SMARCC1: variants seen among roughly 807,000 people sequenced by gnomAD.
The protein encoded by SMARCC1 is SWI/SNF complex subunit SMARCC1.
In SMARCC1, 43 loss-of-function variants were observed where a neutral mutation model predicts 147.4. The observed-to-expected ratio is 0.29, with a 90% confidence interval of 0.23 to 0.38. The LOEUF is 0.38. SMARCC1 is among the 10% of genes least tolerant of loss of function. The probability of loss-of-function intolerance (pLI) is 1.00; values close to 1 mark genes in which losing one functional copy is unlikely to be tolerated. For missense variants in SMARCC1, 1,119 were observed against 1,381.1 expected (o/e 0.81, Z 3.01); for synonymous variants, 495 against 484.4 (o/e 1.02, Z -0.29).
At chr3:47,622,389 A>G (rs773306917) in intron 24 of SMARCC1, 48 bp from the exon 25 acceptor site, 2 of 1,560,178 alleles carry the variant, frequency 1.3e-6, no homozygotes, top group East Asian at 4.5e-5. Context: ...ATTTGCTTAA[A>G]GAACATTAAG....
At chr3:47,648,339 T>C (rs1349591352) in intron 21 of SMARCC1, among the ~76,000 whole-genome samples, 1 of 152,142 alleles carries the variant, frequency 6.6e-6, no homozygotes, top group African/African-American at 2.4e-5. Flanking sequence ...CTACTTTTTT[T>C]TGTGAAGCAT....
chr3:47,641,312 C>T (rs895310343), intron 21 of SMARCC1, among the ~76,000 whole-genome samples: 31 of 152,108 alleles, frequency 2.0e-4, no homozygotes, highest in African/African-American at 5.8e-4. Context: ...CACTGTGAAA[C>T]CCCGTGTCCA....
intron 7 of SMARCC1, among the ~76,000 whole-genome samples, chr3:47,718,045 T>C (rs900227046): frequency 3.4e-5 from 5 of 147,362 alleles, no homozygotes; most frequent in Non-Finnish European, 7.4e-5. Context: ...GTGCCCGTAG[T>C]GCCAGCCCCC....
intron 21 of SMARCC1, among the ~76,000 whole-genome samples, 153 bp downstream of exon 21, chr3:47,661,141 C>T (rs1479913023): frequency 6.6e-6 from 1 of 151,926 alleles, no homozygotes; most frequent in African/African-American, 2.4e-5. Context: ...AAGAAACAGA[C>T]AAGAGAAAAA....
intron 21 of SMARCC1, among the ~76,000 whole-genome samples, chr3:47,639,457 T>TA (rs1338201511): frequency 6.6e-6 from 1 of 152,214 alleles, no homozygotes; most frequent in Non-Finnish European, 1.5e-5. Context: ...CTCATGCCTG[T>TA]AATCCCAGCA....
chr3:47,681,024 T>A (rs1433180710), intron 14 of SMARCC1, among the ~76,000 whole-genome samples: 1 of 152,216 alleles, frequency 6.6e-6, no homozygotes, highest in African/African-American at 2.4e-5. Flanking sequence ...ACTGTAGTTT[T>A]TCTATTCCCA....
At chr3:47,745,313 G>A (rs2034553147) in intron 3 of SMARCC1, among the ~76,000 whole-genome samples, 1 of 152,120 alleles carries the variant, frequency 6.6e-6, no homozygotes, top group Admixed American at 6.6e-5. Flanking sequence ...TATAATGTAT[G>A]AGTTCATTAT....
At chr3:47,687,288 C>A (rs2033737264) in intron 13 of SMARCC1, among the ~76,000 whole-genome samples, 1 of 152,168 alleles carries the variant, frequency 6.6e-6, no homozygotes, top group Admixed American at 6.5e-5. Flanking sequence ...AAAAAATATT[C>A]TCAATGTTCA....
intron 19 of SMARCC1, chr3:47,670,401 A>C: frequency 2.1e-6 from 1 of 467,992 alleles, no homozygotes; most frequent in Non-Finnish European, 3.8e-6. Context: ...CCTGGACAAC[A>C]TGGTGAAAGC....
rs149363143 is a variant in SMARCC1, at chr3:47,633,779, TACACACAC to T, written c.2646+1403_2646+1410del. ...AAAAAAAAAAATATATATATATATA[TACACACAC>T]ACACACACACACACACACACACACA... is the stretch of plus-strand genomic sequence containing the variant. On this transcript the variant is annotated intron_variant, in intron 24 of 27. Transcript: ENST00000254480. 6.2e-4 allele frequency among the ~76,000 whole-genome samples: 18 copies of T among 28,878 alleles called. 3 individuals are homozygous for T. Among genetic ancestry groups the T allele is most frequent in the Non-Finnish European group, 8.3e-4 (12 of 14,438 alleles). 18.9% of individuals were successfully genotyped at this position (28,878 alleles called of 152,430 possible). A position where few individuals can be genotyped will look rare whatever the true frequency, so the allele number is the denominator to read the frequency against.
chr3:47,603,108 C>T (rs1480537903), intron 26 of SMARCC1, among the ~76,000 whole-genome samples: 2 of 152,088 alleles, frequency 1.3e-5, no homozygotes, highest in East Asian at 1.9e-4. Context: ...GAAGTTCCTA[C>T]AGTCCTGACC....
chr3:47,686,294 A>G (rs2033722972), intron 13 of SMARCC1, 124 bp from the exon 14 acceptor site: 1 of 758,662 alleles, frequency 1.3e-6, no homozygotes, highest in African/African-American at 1.8e-5. Flanking sequence ...CAGATATTTG[A>G]AAAACAAATT....
chr3:47,616,926 A>G (rs1236781169), intron 25 of SMARCC1, among the ~76,000 whole-genome samples: 1 of 152,200 alleles, frequency 6.6e-6, no homozygotes, highest in Non-Finnish European at 1.5e-5. Flanking sequence ...TCCTAAAGCT[A>G]CTGCTTACTA....
At chr3:47,674,768 G>A (rs911680633) in intron 18 of SMARCC1, among the ~76,000 whole-genome samples, 5 of 151,906 alleles carry the variant, frequency 3.3e-5, no homozygotes, top group African/African-American at 7.3e-5. Flanking sequence ...TGTTTTGTGA[G>A]TTGGTATCTT....
intron 2 of SMARCC1, among the ~76,000 whole-genome samples, chr3:47,766,970 G>A (rs2034847427): frequency 6.6e-6 from 1 of 151,754 alleles, no homozygotes; most frequent in Non-Finnish European, 1.5e-5. Flanking sequence ...GGATCACGAG[G>A]TCAGATCAAG....
intron 8 of SMARCC1, among the ~76,000 whole-genome samples, chr3:47,713,464 A>G (rs921391154): frequency 6.6e-6 from 1 of 152,160 alleles, no homozygotes; most frequent in African/African-American, 2.4e-5. Flanking sequence ...TTAACTTGTT[A>G]TAAAGGCTGG....
chr3:47,668,517 G>A (rs1041234639), intron 19 of SMARCC1, among the ~76,000 whole-genome samples: 2 of 152,052 alleles, frequency 1.3e-5, no homozygotes, highest in African/African-American at 4.8e-5. Context: ...AAGATAACAA[G>A]GAAATGAACA....
chr3:47,588,231 G>A lies in SMARCC1; in HGVS notation c.3296C>T (p.Pro1099Leu), dbSNP rs754732340. The change falls in exon 28 of 28, where the codon CCG becomes CTG. Residue 1099 changes from proline (P) to leucine (L), a missense_variant. This residue lies in a region of SMARCC1 where 186 missense variants were observed against 216.5 expected (regional missense o/e 0.86). Coordinates refer to ENST00000254480, the MANE Select transcript of SMARCC1 (RefSeq NM_003074.4). ...DGVPPPPAPG[P>L]PASAAP ...AGGCTAAGGAGCAGCTGAGGCTGGC[G>A]GGCCAGGAGCAGGAGGCGGAGGGAC... 2.7e-5 allele frequency: 43 copies of A among 1,613,596 alleles called. No homozygotes were observed. Among genetic ancestry groups the A allele is most frequent in the African/African-American group, 1.9e-4 (14 of 74,892 alleles).
chr3:47,659,282 TA>T (rs541415627), intron 21 of SMARCC1, among the ~76,000 whole-genome samples: 165 of 123,338 alleles, frequency 1.3e-3, no homozygotes, highest in South Asian at 2.2e-3. Flanking sequence ...AAATAAAAAA[TA>T]AAAAAAAAAG....
Sources: gnomAD v4.1 joint callset for allele counts (sites outside exome capture counted in the v4.1 genomes callset) on GRCh38, gnomAD v4.1.1 for gene constraint, gnomAD v4.1.1 regional missense constraint, MANE v1.5 for transcripts, NCBI Gene and HGNC (gene_info 2026-07-23, HGNC 2026-07-21) for gene names.